Variants in FHIT observed in about 807,000 individuals in gnomAD.
The protein encoded by FHIT is fragile histidine triad diadenosine triphosphatase, also known as bis(5'-adenosyl)-triphosphatase.
Under a neutral mutation model 17.9 loss-of-function variants are expected in FHIT, and 19 were observed. That is an observed-to-expected ratio of 1.06 (90% confidence interval 0.74 to 1.56). The LOEUF (loss-of-function observed/expected upper bound fraction) is 1.56. Among genes scored for constraint, FHIT ranks in the 40% most tolerant of loss-of-function variants. FHIT has a pLI of 0.00. For synonymous variants in FHIT, 81 were observed against 69.7 expected, an observed-to-expected ratio of 1.16 and a Z score of -0.81; for missense variants, 248 against 189.2, an observed-to-expected ratio of 1.31 and a Z score of -1.82.
intron 7 of FHIT, among the ~76,000 whole-genome samples, chr3:59,963,132 G>A (rs1410414825): frequency 6.6e-6 from 1 of 152,034 alleles, no homozygotes; most frequent in East Asian, 1.9e-4. Flanking sequence ...TGGGCATGGT[G>A]GCAGGCACCT....
chr3:60,366,874 G>A (rs1700126064), intron 5 of FHIT, among the ~76,000 whole-genome samples: 1 of 152,124 alleles, frequency 6.6e-6, no homozygotes, highest in Non-Finnish European at 1.5e-5. Context: ...GACTAGCTGA[G>A]GCTCTGATTC....
intron 2 of FHIT, among the ~76,000 whole-genome samples, chr3:61,076,377 C>T (rs568365634): frequency 1.3e-5 from 2 of 152,064 alleles, no homozygotes; most frequent in Non-Finnish European, 2.9e-5. Context: ...GCTATAAGGG[C>T]TGGTAAAAGA....
At chr3:60,057,128 G>C (rs1313724713) in intron 5 of FHIT, among the ~76,000 whole-genome samples, 1 of 152,070 alleles carries the variant, frequency 6.6e-6, no homozygotes, top group African/African-American at 2.4e-5. Flanking sequence ...GGGGGAAGTG[G>C]GATTCACTTT....
rs1553870773 is a variant in FHIT, at chr3:61,198,534, T to TA, written c.-164+2082_-164+2083insT. 6.0e-3 allele frequency among the ~76,000 whole-genome samples: 915 copies of TA among 151,378 alleles called. 9 individuals carry two copies. The highest frequency in any genetic ancestry group is 0.02 in the African/African-American group (844 of 41,194). On this transcript the variant is annotated intron_variant, in intron 2 of 9. Coordinates refer to ENST00000492590, the MANE Select transcript of FHIT (RefSeq NM_002012.4). ...ATACACGACAGAAAAAAAAAATTGG[T>TA]GGGGGGGTTCCCTCTATACTACCAA...
intron 5 of FHIT, among the ~76,000 whole-genome samples, chr3:60,523,683 G>C (rs748767227): frequency 1.3e-5 from 2 of 152,184 alleles, no homozygotes; most frequent in African/African-American, 2.4e-5. Flanking sequence ...ATGAGCCGAC[G>C]AGTTATCAAA....
chr3:60,125,597 G>A (rs903767755), intron 5 of FHIT, among the ~76,000 whole-genome samples: 10 of 145,664 alleles, frequency 6.9e-5, no homozygotes, highest in African/African-American at 2.3e-4. Context: ...ATGCCATTGC[G>A]ACAGAACAAG....
intron 3 of FHIT, among the ~76,000 whole-genome samples, chr3:61,011,904 C>T (rs1029989035): frequency 5.9e-5 from 9 of 152,166 alleles, no homozygotes; most frequent in African/African-American, 2.2e-4. Context: ...AGTGAAATGA[C>T]AGGCATGGGA....
At chr3:61,196,754 C>T (rs895008971) in intron 2 of FHIT, among the ~76,000 whole-genome samples, 1 of 152,096 alleles carries the variant, frequency 6.6e-6, no homozygotes, top group South Asian at 2.1e-4. Context: ...AGTTACCAGA[C>T]AGTAGAAAAA....
At chr3:60,299,437 G>A (rs950014316) in intron 5 of FHIT, among the ~76,000 whole-genome samples, 11 of 152,076 alleles carry the variant, frequency 7.2e-5, no homozygotes, top group African/African-American at 2.7e-4. Flanking sequence ...TCATCTGAGA[G>A]TGTCTTGATT....
chr3:60,624,656 C>T (rs137982446), intron 4 of FHIT, among the ~76,000 whole-genome samples: 8 of 152,108 alleles, frequency 5.3e-5, no homozygotes, highest in Non-Finnish European at 7.4e-5. Flanking sequence ...ACTGAAATTA[C>T]TTAGCAATGT....
intron 4 of FHIT, among the ~76,000 whole-genome samples, chr3:60,736,388 C>A (rs1553712611): frequency 2.0e-5 from 3 of 151,346 alleles, no homozygotes; most frequent in East Asian, 1.9e-4. Flanking sequence ...GGAAAAAAAA[C>A]CTTAAATTTC....
At chr3:60,952,169 ACC>A (rs151305076) in intron 3 of FHIT, among the ~76,000 whole-genome samples, 8 of 88,388 alleles carry the variant, frequency 9.1e-5, no homozygotes, top group African/African-American at 1.5e-4. Context: ...CGTCCTCCCC[ACC>A]CCCCCCCCAA....
intron 5 of FHIT, among the ~76,000 whole-genome samples, chr3:60,075,644 T>C (rs923193611): frequency 6.6e-6 from 1 of 152,138 alleles, no homozygotes; most frequent in African/African-American, 2.4e-5. Context: ...ACCTGGTGGA[T>C]GTGGTATGGA....
At chr3:59,982,881 C>A (rs1708715856) in intron 7 of FHIT, among the ~76,000 whole-genome samples, 1 of 152,128 alleles carries the variant, frequency 6.6e-6, no homozygotes, top group African/African-American at 2.4e-5. Context: ...CCAAAGTTTT[C>A]TATTTGTAAA....
intron 5 of FHIT, among the ~76,000 whole-genome samples, chr3:60,160,828 C>G (rs55876167): frequency 0.14 from 20,869 of 147,696 alleles, 4,022 homozygotes; most frequent in African/African-American, 0.38. Flanking sequence ...GTGAGTGTGA[C>G]AGAGAGAGAG....
At chr3:59,932,953 A>G (rs1706049300) in intron 7 of FHIT, among the ~76,000 whole-genome samples, 2 of 152,124 alleles carry the variant, frequency 1.3e-5, no homozygotes, top group Admixed American at 6.6e-5. Flanking sequence ...ATTACTGTAG[A>G]TATTTTGCAC....
At chr3:60,388,880 C>A (rs1221246577) in intron 5 of FHIT, among the ~76,000 whole-genome samples, 1 of 152,058 alleles carries the variant, frequency 6.6e-6, no homozygotes, top group African/African-American at 2.4e-5. Context: ...GTACAGAGGG[C>A]TCGTAAAGTT....
intron 3 of FHIT, among the ~76,000 whole-genome samples, chr3:60,978,405 C>T (rs1210859985): frequency 6.6e-6 from 1 of 152,038 alleles, no homozygotes; most frequent in Non-Finnish European, 1.5e-5. Flanking sequence ...ACCCAAGCCT[C>T]AGGGTTAGTC....
At chr3:60,533,305 T>C (rs912778434) in intron 5 of FHIT, among the ~76,000 whole-genome samples, 14 of 152,334 alleles carry the variant, frequency 9.2e-5, no homozygotes, top group African/African-American at 2.4e-4. Flanking sequence ...GTCTCTCTAT[T>C]CTGTTAACTG....
Sources: gnomAD v4.1 joint callset for allele counts (sites outside exome capture counted in the v4.1 genomes callset) on GRCh38, gnomAD v4.1.1 for gene constraint, MANE v1.5 for transcripts, NCBI Gene and HGNC (gene_info 2026-07-23, HGNC 2026-07-21) for gene names.